MYO1A: variants seen among roughly 807,000 people sequenced by gnomAD.
MYO1A encodes myosin IA.
MYO1A carries 127 observed loss-of-function variants against 138.5 expected under a neutral mutation model. That is an observed-to-expected ratio of 0.92 (90% CI 0.79 to 1.06). The LOEUF (loss-of-function observed/expected upper bound fraction) is 1.06, where lower values mean the gene tolerates loss of function less well. Ranked by LOEUF, MYO1A falls within the 50% of genes least tolerant of loss-of-function variation. The probability of loss-of-function intolerance (pLI) is 0.00; values close to 1 mark genes in which losing one functional copy is unlikely to be tolerated. For synonymous variants in MYO1A, 477 were observed against 497.5 expected, an observed-to-expected ratio of 0.96 and a Z score of 0.55; for missense variants, 1,211 against 1,288.8, an observed-to-expected ratio of 0.94 and a Z score of 0.92.
chr12:57,029,099 A>C (rs770096589), intron 27 of MYO1A, 33 bp downstream of exon 27: 1 of 1,613,680 alleles, frequency 6.2e-7, no homozygotes, highest in South Asian at 1.1e-5. Context: ...CATCTACCGT[A>C]AGCCGCCCCT....
chr12:57,029,049 T>C (rs2030124346), intron 27 of MYO1A, 83 bp downstream of exon 27: 1 of 1,612,534 alleles, frequency 6.2e-7, no homozygotes, highest in African/African-American at 1.3e-5. Flanking sequence ...CCCTACATGC[T>C]TCGCTTTCTG....
chr12:57,047,663 T>C lies in MYO1A; in HGVS notation c.289A>G (p.Ile97Val). Residue 97 changes from isoleucine to valine, a missense_variant, in exon 4 of 28, where the codon ATC becomes GTC. Coordinates refer to ENST00000300119, the MANE Select transcript of MYO1A (RefSeq NM_005379.4). ...SLRDRDRDQC[I>V]LITGESGSGK... The stretch of plus-strand genomic sequence containing the variant: ...GATCCACTCTCGCCTGTGATGAGGA[T>C]ACACTGGTCTCGGTCCCTGTCCCTC... 6.2e-7 allele frequency: 1 copy of C among 1,614,222 alleles called. No homozygotes were observed. Among genetic ancestry groups the C allele is most frequent in the East Asian group, 2.2e-5 (1 of 44,872 alleles).
chr12:57,042,681 C>T (rs1020009621), intron 12 of MYO1A, among the ~76,000 whole-genome samples: 1 of 151,956 alleles, frequency 6.6e-6, no homozygotes, highest in African/African-American at 2.4e-5. Flanking sequence ...TGGTCTTGAA[C>T]TACTGAGCTC....
chr12:57,031,698 G>A (rs1206343190), intron 22 of MYO1A, among the ~76,000 whole-genome samples: 1 of 152,182 alleles, frequency 6.6e-6, no homozygotes, highest in Non-Finnish European at 1.5e-5. Context: ...GAGCTTCAGA[G>A]CCCCCATTCC....
Position 57,044,132 on chromosome 12 carries a change from C to T in MYO1A, c.718G>A (p.Asp240Asn), listed in dbSNP as rs775862921. ...HEVSRVDGMD[D>N]ASSFRAVQSA... ...TGTACAGCCCTGAAGCTGGAGGCGTCGTCCATGCCATCCACTCTGGATACT... is the reference window on the plus strand; with the variant it reads ...TGTACAGCCCTGAAGCTGGAGGCGTTGTCCATGCCATCCACTCTGGATACT... The change falls in exon 9 of 28, where the codon GAC (aspartate) becomes AAC (asparagine). Residue 240 changes from aspartate (D) to asparagine (N), a missense_variant. Asp to Asn is a conservative substitution (Grantham distance 23). Coordinates refer to ENST00000300119, the MANE Select transcript of MYO1A (RefSeq NM_005379.4). 6.8e-6 allele frequency: 11 copies of T among 1,614,016 alleles called. No homozygotes were observed. In the Admixed American group the frequency reaches 1.0e-4, roughly 15 times the overall value.
intron 25 of MYO1A, 53 bp from the exon 26 acceptor site, chr12:57,029,640 C>T (rs1306790753): frequency 6.2e-6 from 10 of 1,613,984 alleles, no homozygotes; most frequent in Non-Finnish European, 8.5e-6. Flanking sequence ...TGCCCCCACT[C>T]CACCTGGCAG....
At chr12:57,031,727 C>A (rs1271485923) in intron 22 of MYO1A, among the ~76,000 whole-genome samples, 1 of 152,238 alleles carries the variant, frequency 6.6e-6, no homozygotes, top group Non-Finnish European at 1.5e-5. Context: ...GCTGAGGGAT[C>A]CAGACCCTCG....
chr12:57,041,291 G>A lies in MYO1A; in HGVS notation c.1165-3C>T, dbSNP rs2030847482. ...ACAAATTGCTCAAAGCTATTATCCT[G>A]AGAGAGGGAGCACAGGTTAGAGAGC... On this transcript the variant is annotated splice_region_variant and splice_polypyrimidine_tract_variant and intron_variant, in intron 13 of 27. Transcript: ENST00000300119. 5 of 1,613,306 alleles carry A rather than the reference G, an allele frequency of 3.1e-6. No homozygotes were observed. Among genetic ancestry groups the A allele is most frequent in the Non-Finnish European group, 4.2e-6 (5 of 1,179,336 alleles).
chr12:57,047,183 CT>C, intron 5 of MYO1A, 76 bp from the exon 6 acceptor site: 10 of 1,597,828 alleles, frequency 6.3e-6, no homozygotes, highest in Non-Finnish European at 8.6e-6. Flanking sequence ...TCATGACAAT[CT>C]CAGATTTTTC....
rs369928147 is a variant in MYO1A, at chr12:57,047,712, C to A, written c.240G>T (p.Leu80Phe). The change falls in exon 4 of 28, where the codon TTG (leucine) becomes TTT (phenylalanine). Residue 80 changes from leucine to phenylalanine, a missense_variant. Transcript: ENST00000300119. ...TCAGTGACTGGTACGCCACATTTGC[C>A]AATGCGTAGCTTGTGGGGAGGAAGT... The part of the protein sequence containing the change: ...FYELKPHIYA[L>F]ANVAYQSLRD... The A allele has an allele frequency of 6.2e-7, 1 of 1,614,202 alleles. No individual in the cohort carries two copies. The highest frequency in any genetic ancestry group is 2.2e-5 in the East Asian group (1 of 44,876).
Position 57,041,239 on chromosome 12 carries a change from T to C in MYO1A, c.1214A>G (p.Gln405Arg). Reference protein sequence around the residue: ...FVINYCNEKLQQVFIEMTLKE... With the variant: ...FVINYCNEKLRQVFIEMTLKE... ...CAGGGTCATCTCTATGAACACCTGC[T>C]GCAGCTTCTCATTGCAGTAGTTGAT... Residue 405 changes from glutamine to arginine, a missense_variant, in exon 14 of 28, where the codon CAG (glutamine) becomes CGG (arginine). Gln to Arg is a conservative substitution (Grantham distance 43). Transcript: ENST00000300119. The C allele has an allele frequency of 6.2e-7, 1 of 1,614,106 alleles. No homozygotes were observed. Among genetic ancestry groups the C allele is most frequent in the Non-Finnish European group, 8.5e-7 (1 of 1,180,034 alleles).
In MYO1A at chr12:57,039,249, T is replaced by C; in HGVS notation, c.1295A>G (p.Tyr432Cys). 6.2e-7 allele frequency: 1 copy of C among 1,614,110 alleles called. No individual in the cohort carries two copies. The highest frequency in any genetic ancestry group is 8.5e-7 in the Non-Finnish European group (1 of 1,179,968). The stretch of plus-strand genomic sequence containing the variant: ...CTTACAAATGATGCCATTATCAAAG[T>C]AGTCCACCTTTGTCCACGGTATGCC... The part of the protein sequence containing the change: ...REGIPWTKVD[Y>C]FDNGIICKLI... The change falls in exon 15 of 28, where the codon TAC becomes TGC. Residue 432 changes from tyrosine (Y) to cysteine (C), a missense_variant. Tyr to Cys is a radical substitution (Grantham distance 194, BLOSUM62 -2). Coordinates refer to ENST00000300119, the MANE Select transcript of MYO1A (RefSeq NM_005379.4).
rs1565648710 is a variant in MYO1A, at chr12:57,047,922, G to A, written c.230+67C>T. 7.0e-6 allele frequency: 11 copies of A among 1,581,756 alleles called. No homozygotes were observed. The Admixed American group carries it at 1.9e-4, about 27-fold the overall frequency. ...AGCCCCTTCAGGGGAAGGGACAAAGGAAATTAGGATGACTCAGTGTCAAGA... is the reference window on the plus strand; with the variant it reads ...AGCCCCTTCAGGGGAAGGGACAAAGAAAATTAGGATGACTCAGTGTCAAGA... On this transcript the variant is annotated intron_variant, in intron 3 of 27. Transcript: ENST00000300119.
chr12:57,033,720 G>T (rs1406083879), intron 22 of MYO1A, among the ~76,000 whole-genome samples: 1 of 152,150 alleles, frequency 6.6e-6, no homozygotes, highest in Non-Finnish European at 1.5e-5. Context: ...AATTACTGAA[G>T]ATATAAAAAA....
At chr12:57,045,020 T>A (rs1473753642) in intron 8 of MYO1A, among the ~76,000 whole-genome samples, 1 of 152,204 alleles carries the variant, frequency 6.6e-6, no homozygotes, top group Non-Finnish European at 1.5e-5. Context: ...TGAAAAGTTT[T>A]CTCTGATGCT....
Position 57,037,082 on chromosome 12 carries a change from GGTAGAAAAGCT to G in MYO1A, c.2056-2_2064del. 6.2e-7 allele frequency: 1 copy of G among 1,614,172 alleles called. No individual in the cohort carries two copies. The highest frequency in any genetic ancestry group is 1.1e-5 in the South Asian group (1 of 91,084). On this transcript the variant is annotated splice_acceptor_variant and coding_sequence_variant, in exon 20 of 28. Transcript: ENST00000300119. LOFTEE classifies it high-confidence loss of function. The stretch of plus-strand genomic sequence containing the variant: ...AGTCTCAGGCGCCTCTGTTCTTCGA[GGTAGAAAAGCT>G]GTGGAGAGGTGGAAGGGGGTGACAG...
rs553790660 is a variant in MYO1A, at chr12:57,039,003, G to T, written c.1339C>A (p.Arg447=). ...IICKLIEHNQ[R]GILAMLDEEC... ...TCATCCAACATGGCCAGGATACCTC[G>T]CTGATTCTGGGCCGGGGGAACAAAA... is the stretch of plus-strand genomic sequence containing the variant. The change falls in exon 16 of 28, where the codon CGA becomes AGA. Residue 447 remains arginine (R), a synonymous_variant. Transcript: ENST00000300119. 2 of 1,613,530 alleles carry T rather than the reference G, an allele frequency of 1.2e-6. No individual in the cohort carries two copies. Among genetic ancestry groups the T allele is most frequent in the Non-Finnish European group, 1.7e-6 (2 of 1,179,728 alleles).
chr12:57,030,145 G>T, intron 24 of MYO1A, 65 bp downstream of exon 24: 1 of 1,410,500 alleles, frequency 7.1e-7, no homozygotes, highest in Non-Finnish European at 1.0e-6. Flanking sequence ...TGATTCTAAG[G>T]CACGCTCAAG....
At chr12:57,030,588 C>G (rs545087794) in intron 23 of MYO1A, among the ~76,000 whole-genome samples, 1 of 152,302 alleles carries the variant, frequency 6.6e-6, no homozygotes, top group East Asian at 1.9e-4. Flanking sequence ...TAGTCCCAGA[C>G]AGGTGCTCAA....
Sources: gnomAD v4.1 joint callset for allele counts (sites outside exome capture counted in the v4.1 genomes callset) on GRCh38, gnomAD v4.1.1 for gene constraint, MANE v1.5 for transcripts, NCBI Gene and HGNC (gene_info 2026-07-23, HGNC 2026-07-21) for gene names.